Variants in RAI1 observed in about 807,000 individuals in gnomAD.
The protein encoded by RAI1 is retinoic acid-induced protein 1.
In RAI1, 9 loss-of-function variants were observed where a neutral mutation model predicts 123.8. That is an observed-to-expected ratio of 0.07 (90% CI 0.04 to 0.13). The LOEUF (loss-of-function observed/expected upper bound fraction) is 0.13, where lower values mean the gene tolerates loss of function less well. Among genes scored for constraint, RAI1 ranks in the 10% least tolerant of loss-of-function variants. The pLI, the probability that RAI1 is intolerant of heterozygous loss-of-function variation, is 1.00. For missense variants in RAI1, 2,256 were observed against 2,545.8 expected (o/e 0.89, Z 2.45); for synonymous variants, 1,231 against 1,127.3 (o/e 1.09, Z -1.84).
intron 2 of RAI1, among the ~76,000 whole-genome samples, chr17:17,772,069 T>C (rs1384557678): frequency 1.3e-5 from 2 of 152,190 alleles, no homozygotes; most frequent in Non-Finnish European, 2.9e-5. Flanking sequence ...GTATTGACCC[T>C]GCCAGGCTCT....
In RAI1 at chr17:17,809,903, G is replaced by A. The variant is rs1598102510; in HGVS notation, c.5710-67G>A. On this transcript the variant is annotated intron_variant, in intron 5 of 5. Transcript: ENST00000353383. The surrounding 1 kb of genome is among the most constrained non-coding windows in gnomAD (Gnocchi z 4.9). Reference sequence around the variant, plus strand: ...GGGGCTTAGGCGGGGGGCCCACACTGGGGGCGGGGCCTATGGACTGTGAAG... The same window carrying A: ...GGGGCTTAGGCGGGGGGCCCACACTAGGGGCGGGGCCTATGGACTGTGAAG... 66 of 1,549,488 alleles carry A rather than the reference G, an allele frequency of 4.3e-5. 2 individuals are homozygous for A. The South Asian group carries it at 7.4e-4, about 17-fold the overall frequency.
chr17:17,804,264 C>A, intron 4 of RAI1: 1 of 308,544 alleles, frequency 3.2e-6, no homozygotes, highest in Non-Finnish European at 6.3e-6. Context: ...CAGCAAAAAC[C>A]AACTGAGTTG....
At chr17:17,694,787 CCATGGCAGCGCCCGGCCCGG>C (rs1914960040) in intron 1 of RAI1, among the ~76,000 whole-genome samples, 1 of 150,168 alleles carries the variant, frequency 6.7e-6, no homozygotes, top group South Asian at 2.1e-4. Context: ...GCTCGCGTCG[CCATGGCAGCGCCCGGCCCGG>C]CATGCTTCGC....
chr17:17,749,615 A>G (rs1255040939), intron 2 of RAI1, among the ~76,000 whole-genome samples: 1 of 152,228 alleles, frequency 6.6e-6, no homozygotes, highest in Non-Finnish European at 1.5e-5. Flanking sequence ...GGTACCAGGA[A>G]GTGGACCATG....
intron 1 of RAI1, among the ~76,000 whole-genome samples, chr17:17,688,367 C>T (rs983235175): frequency 3.9e-5 from 6 of 152,060 alleles, no homozygotes; most frequent in Non-Finnish European, 7.4e-5. Context: ...GCCTGTAATC[C>T]CAGCTACTTG....
At chr17:17,748,731 T>C (rs1232410705) in intron 2 of RAI1, among the ~76,000 whole-genome samples, 2 of 152,194 alleles carry the variant, frequency 1.3e-5, no homozygotes, top group East Asian at 1.9e-4. Flanking sequence ...GGTGGGGCAC[T>C]GTGGTGTGGA....
At chr17:17,716,644 G>A (rs185120372) in intron 1 of RAI1, among the ~76,000 whole-genome samples, 13 of 152,330 alleles carry the variant, frequency 8.5e-5, no homozygotes, top group East Asian at 7.7e-4. Context: ...TGGGGGCTGC[G>A]TATGAGGTAA....
intron 2 of RAI1, chr17:17,766,440 C>T (rs2142993792): frequency 6.6e-6 from 1 of 152,374 alleles, no homozygotes; most frequent in African/African-American, 2.4e-5. Context: ...CGTGGTGTCA[C>T]TCAGGCGCGT....
At chr17:17,688,008 T>G in intron 1 of RAI1, among the ~76,000 whole-genome samples, 2 of 112,346 alleles carry the variant, frequency 1.8e-5, no homozygotes, top group Non-Finnish European at 3.4e-5. Context: ...CCAGCCTGGG[T>G]GAAGGAGACT....
chr17:17,722,519 C>G (rs1031412481), intron 1 of RAI1, among the ~76,000 whole-genome samples: 1 of 152,336 alleles, frequency 6.6e-6, no homozygotes, highest in South Asian at 2.1e-4. Flanking sequence ...GCGCTCCCCT[C>G]GGCCGCCGGG....
rs745917551 is a variant in RAI1, at chr17:17,795,363, G to A, written c.2415G>A (p.Ser805=). 16 of 1,595,394 alleles carry A rather than the reference G, an allele frequency of 1.0e-5. No individual in the cohort carries two copies. Among genetic ancestry groups the A allele is most frequent in the Admixed American group, 3.4e-5 (2 of 58,914 alleles). Residue 805 remains serine, a synonymous_variant, in exon 3 of 6, where the codon TCG becomes TCA. Transcript: ENST00000353383. This position sits in a 1 kb window ranked among gnomAD's most constrained non-coding sequence, Gnocchi z 5.9. ...ACCCCCCTGGGGAGAAGGTGGCCTC[G>A]TTGCCCGGGGACTTCAAGCAGGAGG... The part of the protein sequence containing the change: ...EEDPPGEKVA[S]LPGDFKQEEV...
chr17:17,735,956 TTG>T (rs1308617045), intron 2 of RAI1, among the ~76,000 whole-genome samples: 1 of 151,970 alleles, frequency 6.6e-6, no homozygotes, highest in Non-Finnish European at 1.5e-5. Context: ...GGGACTGTGA[TTG>T]TGTGTGTGGT....
chr17:17,795,715 G>A lies in RAI1; in HGVS notation c.2767G>A (p.Glu923Lys), dbSNP rs780078084. 12 of 1,613,384 alleles carry A rather than the reference G, an allele frequency of 7.4e-6. No homozygotes were observed. In the East Asian group the frequency reaches 2.7e-4, roughly 36 times the overall value. The change falls in exon 3 of 6, where the codon GAG becomes AAG. Residue 923 changes from glutamate (E) to lysine (K), a missense_variant. Physicochemically the swap from Glu to Lys is moderately conservative, Grantham distance 56 (BLOSUM62 1). This residue lies in a region of RAI1 where 566 missense variants were observed against 616.0 expected (regional missense o/e 0.92). Coordinates refer to ENST00000353383, the MANE Select transcript of RAI1 (RefSeq NM_030665.4). The surrounding 1 kb of genome is among the most constrained non-coding windows in gnomAD (Gnocchi z 5.9). ...GWGSPCHLSG[E>K]SVILLGPTVG... Reference sequence around the variant, plus strand: ...GGGCTCTCCGTGCCACCTCTCAGGGGAGTCCGTCATCCTGCTGGGCCCTAC... The same window carrying A: ...GGGCTCTCCGTGCCACCTCTCAGGGAAGTCCGTCATCCTGCTGGGCCCTAC...
At chr17:17,771,241 G>A (rs935559254) in intron 2 of RAI1, among the ~76,000 whole-genome samples, 1 of 152,192 alleles carries the variant, frequency 6.6e-6, no homozygotes, top group Admixed American at 6.5e-5. Context: ...AATAGCAGTG[G>A]CTTTGCTTGG....
intron 2 of RAI1, among the ~76,000 whole-genome samples, chr17:17,791,928 C>T (rs1218796572): frequency 6.6e-6 from 1 of 152,184 alleles, no homozygotes; most frequent in African/African-American, 2.4e-5. Flanking sequence ...GCCTGAGCCC[C>T]ATCCCCTAAA....
At chr17:17,733,779 C>T (rs1916339622) in intron 2 of RAI1, among the ~76,000 whole-genome samples, 1 of 152,112 alleles carries the variant, frequency 6.6e-6, no homozygotes, top group South Asian at 2.1e-4. Flanking sequence ...CGTACATAAC[C>T]TTTTGCTGAA....
chr17:17,686,665 G>A (rs1031595244), intron 1 of RAI1, among the ~76,000 whole-genome samples: 2 of 151,404 alleles, frequency 1.3e-5, no homozygotes, highest in African/African-American at 4.9e-5. Flanking sequence ...AGGGCAGAGA[G>A]GTGGAGTGGG....
Position 17,793,575 on chromosome 17 carries a change from T to C in RAI1, c.627T>C (p.Phe209=). ...SPLPFPQGTH[F]PQHSQSFPTS... ...TGCCCTTCCCCCAGGGTACCCACTT[T>C]CCTCAGCATTCCCAGTCCTTCCCCA... Residue 209 remains phenylalanine, a synonymous_variant, in exon 3 of 6, where the codon TTT becomes TTC. Coordinates refer to ENST00000353383, the MANE Select transcript of RAI1 (RefSeq NM_030665.4). 1.9e-6 allele frequency: 3 copies of C among 1,613,742 alleles called. No homozygotes were observed. Among genetic ancestry groups the C allele is most frequent in the Non-Finnish European group, 2.5e-6 (3 of 1,179,972 alleles).
At chr17:17,757,617 T>TC (rs1456342327) in intron 2 of RAI1, among the ~76,000 whole-genome samples, 3 of 151,746 alleles carry the variant, frequency 2.0e-5, no homozygotes, top group Non-Finnish European at 4.4e-5. Flanking sequence ...GATTTTTTTT[T>TC]CCCACAACTC....
Sources: allele counts gnomAD v4.1 joint callset (sites outside exome capture counted in the v4.1 genomes callset), GRCh38; gene constraint gnomAD v4.1.1; regional missense constraint gnomAD v4.1.1; non-coding constraint Gnocchi (gnomAD v3.1); transcripts MANE v1.5; gene names NCBI Gene and HGNC (gene_info 2026-07-23, HGNC 2026-07-21).